The following PCDHGA5 variants were observed in gnomAD, a reference collection of about 807,000 sequenced individuals.
PCDHGA5 encodes protocadherin gamma-A5.
PCDHGA5 carries 36 observed loss-of-function variants against 56.7 expected under a neutral mutation model. The ratio of observed to expected loss-of-function variants is 0.64; its 90% CI spans 0.49 to 0.84. The LOEUF is 0.84. Ranked by LOEUF, PCDHGA5 falls within the 40% of genes least tolerant of loss-of-function variation. The probability of loss-of-function intolerance (pLI) is 0.00; values close to 1 mark genes in which losing one functional copy is unlikely to be tolerated. For missense variants in PCDHGA5, 1,305 were observed against 1,201.5 expected (o/e 1.09, Z -1.27); for synonymous variants, 563 against 520.2 (o/e 1.08, Z -1.12).
chr5:141,461,216 T>C (rs1050704259), intron 1 of PCDHGA5, among the ~76,000 whole-genome samples: 2 of 152,168 alleles, frequency 1.3e-5, no homozygotes, highest in African/African-American at 4.8e-5. Flanking sequence ...ATCTCCATAC[T>C]GTTTTCCATA....
At chr5:141,410,701 A>C in intron 1 of PCDHGA5, 2 of 1,471,660 alleles carry the variant, frequency 1.4e-6, no homozygotes, top group Non-Finnish European at 9.1e-7. Context: ...TTATTTTCAT[A>C]TCTAGAATCA....
Position 141,399,843 on chromosome 5 carries a change from T to C in PCDHGA5, c.2421+33092T>C, listed in dbSNP as rs1452069886. ...GTCCCGACGGCTCTGCGCTCTTCGATATGGTGCCGCGCGCTGCAGAGCCCG... is the reference window on the plus strand; with the variant it reads ...GTCCCGACGGCTCTGCGCTCTTCGACATGGTGCCGCGCGCTGCAGAGCCCG... On this transcript the variant is annotated intron_variant, in intron 1 of 3. Coordinates refer to ENST00000518069, the MANE Select transcript of PCDHGA5 (RefSeq NM_018918.3). 2.5e-6 allele frequency: 4 copies of C among 1,612,848 alleles called. No homozygotes were observed. The African/African-American group carries it at 5.3e-5, about 22-fold the overall frequency.
intron 1 of PCDHGA5, chr5:141,389,758 G>A: frequency 1.2e-6 from 2 of 1,612,792 alleles, no homozygotes; most frequent in Non-Finnish European, 1.7e-6. Flanking sequence ...GGCGAAGTGC[G>A]CACAGCGCGT....
chr5:141,423,067 G>A (rs757110751), intron 1 of PCDHGA5: 10 of 1,614,024 alleles, frequency 6.2e-6, no homozygotes, highest in South Asian at 5.5e-5. Context: ...TAAGGCCAGC[G>A]AGCCGGGACT....
At chr5:141,474,130 C>T (rs28684928) in intron 1 of PCDHGA5, among the ~76,000 whole-genome samples, 6 of 152,160 alleles carry the variant, frequency 3.9e-5, no homozygotes. Context: ...TCTCAGAAAA[C>T]TACAGGCCTT....
intron 1 of PCDHGA5, chr5:141,398,772 G>T: frequency 6.2e-7 from 1 of 1,613,910 alleles, no homozygotes; most frequent in Non-Finnish European, 8.5e-7. Flanking sequence ...TGACTGCCTT[G>T]GACGGTGGAC....
Position 141,423,601 on chromosome 5 carries a change from C to T in PCDHGA5, c.2421+56850C>T, listed in dbSNP as rs372165060. On this transcript the variant is annotated intron_variant, in intron 1 of 3. Transcript: ENST00000518069. The stretch of plus-strand genomic sequence containing the variant: ...GGAGAGCTGTGAGAAAAGCGAGCCA[C>T]TCTTGATAGCTGAAGACTCAGCTAT... The T allele has an allele frequency of 1.9e-6, 3 of 1,612,586 alleles. No homozygotes were observed. Among genetic ancestry groups the T allele is most frequent in the Admixed American group, 1.7e-5 (1 of 59,924 alleles).
At chr5:141,404,568 G>A (rs2094540345) in intron 1 of PCDHGA5, 1 of 1,613,868 alleles carries the variant, frequency 6.2e-7, no homozygotes, top group Non-Finnish European at 8.5e-7. Flanking sequence ...GACAGTGGAA[G>A]CCCACCACTT....
chr5:141,476,382 A>G lies in PCDHGA5; in HGVS notation c.2422-18425A>G, dbSNP rs777831089. ...CGGGAGACCGGAGAGATGTTTGTGA[A>G]CGACCGTCTGGATCGAGAGGAGCTG... On this transcript the variant is annotated intron_variant, in intron 1 of 3. Transcript: ENST00000518069. This position sits in a 1 kb window ranked among gnomAD's most constrained non-coding sequence, Gnocchi z 7.6. 3.7e-6 allele frequency: 6 copies of G among 1,613,866 alleles called. No individual in the cohort carries two copies. The East Asian group carries it at 1.3e-4, about 36-fold the overall frequency.
intron 1 of PCDHGA5, among the ~76,000 whole-genome samples, chr5:141,438,611 TATATATATATATATATATATATATAC>T (rs1451681129): frequency 0.1 from 4,016 of 39,372 alleles, 166 homozygotes; most frequent in Middle Eastern, 0.18. Context: ...TATATATATA[TATATATATATATATATATATATATAC>T]ACACACACAC....
At chr5:141,391,312 T>C (rs2092346265) in intron 1 of PCDHGA5, 1 of 151,466 alleles carries the variant, frequency 6.6e-6, no homozygotes, top group African/African-American at 2.4e-5. Flanking sequence ...GATTCTTTTT[T>C]TTTTCTTTTT....
At position 141,399,929 on chromosome 5, in the gene PCDHGA5, C is replaced by T. The variant is rs746168026; in HGVS notation, c.2421+33178C>T. 15 of 1,612,262 alleles carry T rather than the reference C, an allele frequency of 9.3e-6. No homozygotes were observed. The African/African-American group carries it at 1.1e-4, about 11-fold the overall frequency. On this transcript the variant is annotated intron_variant, in intron 1 of 3. Coordinates refer to ENST00000518069, the MANE Select transcript of PCDHGA5 (RefSeq NM_018918.3). ...GACTCAGGACACAACGCCTGGCTGT[C>T]CTACCACGTGCTGCAGGCTAGCGAG...
chr5:141,433,115 G>T, intron 1 of PCDHGA5: 1 of 1,613,762 alleles, frequency 6.2e-7, no homozygotes, highest in Non-Finnish European at 8.5e-7. Context: ...GGAGAGCTTT[G>T]AAAAAAGCGA....
chr5:141,390,477 C>T (rs2150421205), intron 1 of PCDHGA5: 3 of 678,620 alleles, frequency 4.4e-6, no homozygotes, highest in South Asian at 2.0e-5. Flanking sequence ...TGTGGCCCAA[C>T]ATTTGTTTGT....
chr5:141,511,265 A>G lies in PCDHGA5; in HGVS notation c.*92A>G. On this transcript the variant is annotated 3_prime_UTR_variant, in exon 4 of 4. Coordinates refer to ENST00000518069, the MANE Select transcript of PCDHGA5 (RefSeq NM_018918.3). ...ACCCAGGCCTCAGAGTTTCAGGGCT[A>G]ACCCCCAGAATACTGGTAGGGGCCA... The G allele has an allele frequency of 6.4e-7, 1 of 1,551,730 alleles. No individual in the cohort carries two copies. Among genetic ancestry groups the G allele is most frequent in the South Asian group, 1.2e-5 (1 of 83,132 alleles).
At chr5:141,440,887 G>C (rs1423303973) in intron 1 of PCDHGA5, 4 of 152,206 alleles carry the variant, frequency 2.6e-5, no homozygotes, top group Non-Finnish European at 5.9e-5. Context: ...TCGGCCTTCA[G>C]GAAGATGTGC....
At chr5:141,390,217 T>C (rs373008153) in intron 1 of PCDHGA5, 21 of 1,613,944 alleles carry the variant, frequency 1.3e-5, no homozygotes, top group Non-Finnish European at 1.8e-5. Flanking sequence ...CAAGACATAC[T>C]TTGCGGTGAT....
chr5:141,389,095 CAG>C (rs759384103), intron 1 of PCDHGA5: 4 of 1,613,906 alleles, frequency 2.5e-6, no homozygotes, highest in South Asian at 2.2e-5. Flanking sequence ...AAATTAGTGA[CAG>C]ATGCTGTTCT....
chr5:141,432,503 G>T lies in PCDHGA5; in HGVS notation c.2422-62304G>T, dbSNP rs939325676. 8.7e-6 allele frequency: 14 copies of T among 1,613,988 alleles called. No homozygotes were observed. The highest frequency in any genetic ancestry group is 1.3e-5 in the African/African-American group (1 of 74,930). ...TGGCGTGGAGCTGGCTCCCCGCTCC[G>T]CAGAGCCCGGCTACCTGGTGACCAA... On this transcript the variant is annotated intron_variant, in intron 1 of 3. Transcript: ENST00000518069. The surrounding 1 kb of genome is among the most constrained non-coding windows in gnomAD (Gnocchi z 6.0).
Sources: gnomAD v4.1 joint callset for allele counts (sites outside exome capture counted in the v4.1 genomes callset) on GRCh38, gnomAD v4.1.1 for gene constraint, Gnocchi (gnomAD v3.1) non-coding constraint, MANE v1.5 for transcripts, NCBI Gene and HGNC (gene_info 2026-07-23, HGNC 2026-07-21) for gene names.